Variants in CAPN9 observed in about 807,000 individuals in gnomAD.
CAPN9 encodes calpain 9.
A neutral mutation model predicts 92.8 loss-of-function variants in CAPN9; 81 were observed. The ratio of observed to expected loss-of-function variants is 0.87; its 90% CI spans 0.73 to 1.05. CAPN9 has a LOEUF of 1.05. CAPN9 is among the 50% of genes least tolerant of loss of function. The pLI is 0.00. For missense variants in CAPN9, 848 were observed against 866.2 expected (o/e 0.98, Z 0.26); for synonymous variants, 304 against 328.0 (o/e 0.93, Z 0.79).
intron 12 of CAPN9, 88 bp downstream of exon 12, chr1:230,786,105 T>C: frequency 8.7e-6 from 14 of 1,608,646 alleles, no homozygotes; most frequent in Non-Finnish European, 1.2e-5. Flanking sequence ...TGTAAAACTC[T>C]GCAGTTCAGG....
At chr1:230,778,557 C>G (rs1344924799) in intron 8 of CAPN9, among the ~76,000 whole-genome samples, 2 of 152,194 alleles carry the variant, frequency 1.3e-5, no homozygotes, top group Non-Finnish European at 2.9e-5. Flanking sequence ...ACCTCAAGCA[C>G]CTCTCTGCCT....
At chr1:230,773,298 G>T (rs1215958356) in intron 7 of CAPN9, among the ~76,000 whole-genome samples, 1 of 152,182 alleles carries the variant, frequency 6.6e-6, no homozygotes, top group Non-Finnish European at 1.5e-5. Flanking sequence ...AGCTGAGATG[G>T]GTTGAGGAGG....
rs561418202 is a variant in CAPN9, at chr1:230,777,982, G to T, written c.954-991G>T. Among the ~76,000 whole-genome samples, 10 of 152,176 alleles carry T rather than the reference G, an allele frequency of 6.6e-5. No individual in the cohort carries two copies. In the South Asian group the frequency reaches 2.1e-3, roughly 32 times the overall value. ...AAAACTATCTTTACACTAATTCTCA[G>T]GTTTCTATCTTCAGCTCCTTTCCCC... On this transcript the variant is annotated intron_variant, in intron 8 of 19. Transcript: ENST00000271971.
chr1:230,794,581 A>T (rs561574175), intron 17 of CAPN9, among the ~76,000 whole-genome samples: 1 of 152,354 alleles, frequency 6.6e-6, no homozygotes, highest in Admixed American at 6.5e-5. Context: ...CTGAACCCAT[A>T]TGCCACGGCT....
chr1:230,784,944 G>T (rs572713915), intron 11 of CAPN9, among the ~76,000 whole-genome samples: 63 of 152,330 alleles, frequency 4.1e-4, no homozygotes, highest in African/African-American at 1.5e-3. Flanking sequence ...AAGTCACAGG[G>T]ACAGAGCTTC....
intron 2 of CAPN9, among the ~76,000 whole-genome samples, chr1:230,758,291 C>G (rs868735175): frequency 6.6e-6 from 1 of 152,174 alleles, no homozygotes; most frequent in Non-Finnish European, 1.5e-5. Flanking sequence ...AAGCTGAAAG[C>G]AGACACCAAG....
intron 18 of CAPN9, among the ~76,000 whole-genome samples, chr1:230,796,029 TAA>T (rs34471137): frequency 1.1e-4 from 15 of 139,724 alleles, no homozygotes; most frequent in Non-Finnish European, 1.7e-4. Context: ...AATACTTGAT[TAA>T]AAAAAAAAAA....
chr1:230,747,462 C>A lies in CAPN9; in HGVS notation c.-35C>A. 2 of 1,579,794 alleles carry A rather than the reference C, an allele frequency of 1.3e-6. No individual in the cohort carries two copies. Among genetic ancestry groups the A allele is most frequent in the Non-Finnish European group, 1.7e-6 (2 of 1,149,516 alleles). On this transcript the variant is annotated 5_prime_UTR_variant, in exon 1 of 20. The change creates a new upstream start codon in the 5' untranslated region. Coordinates refer to ENST00000271971, the MANE Select transcript of CAPN9 (RefSeq NM_006615.3). Reference sequence around the variant, plus strand: ...GCTTCTTCACTTTCTTTTCCATCCACTGCCGGACCCAAGCCAGCCTTCCAG... The same window carrying A: ...GCTTCTTCACTTTCTTTTCCATCCAATGCCGGACCCAAGCCAGCCTTCCAG...
intron 12 of CAPN9, 95 bp from the exon 13 acceptor site, chr1:230,787,427 G>A: frequency 1.0e-6 from 1 of 995,612 alleles, no homozygotes; most frequent in Non-Finnish European, 1.6e-6. Context: ...GTGACATGGG[G>A]CTGGGCACAC....
intron 3 of CAPN9, among the ~76,000 whole-genome samples, chr1:230,760,902 C>A (rs1314952970): frequency 6.6e-6 from 1 of 151,274 alleles, no homozygotes; most frequent in Non-Finnish European, 1.5e-5. Flanking sequence ...AAACCAGAAC[C>A]AGAACCACCA....
chr1:230,779,702 C>T (rs1290983291), intron 9 of CAPN9, among the ~76,000 whole-genome samples: 1 of 152,120 alleles, frequency 6.6e-6, no homozygotes, highest in Non-Finnish European at 1.5e-5. Context: ...TTGGCTTTGT[C>T]CAATCCTCGG....
chr1:230,762,991 G>C (rs2282320), intron 4 of CAPN9, among the ~76,000 whole-genome samples: 37,887 of 152,002 alleles, frequency 0.25, 5,560 homozygotes, highest in Non-Finnish European at 0.34. Context: ...TGGGAGCAGT[G>C]GCTACATTCA....
intron 4 of CAPN9, among the ~76,000 whole-genome samples, chr1:230,763,146 G>A (rs556223371): frequency 6.6e-5 from 10 of 152,174 alleles, no homozygotes; most frequent in Non-Finnish European, 7.3e-5. Flanking sequence ...GGGCTATTAC[G>A]CACGTTGATA....
chr1:230,796,359 TA>T (rs1668357257), intron 18 of CAPN9, among the ~76,000 whole-genome samples: 1 of 148,576 alleles, frequency 6.7e-6, no homozygotes, highest in African/African-American at 2.5e-5. Context: ...AATAAATAAA[TA>T]AATAAATAAA....
At chr1:230,751,237 G>A (rs1572003935) in intron 1 of CAPN9, among the ~76,000 whole-genome samples, 1 of 152,200 alleles carries the variant, frequency 6.6e-6, no homozygotes, top group South Asian at 2.1e-4. Flanking sequence ...TGACCCCCAG[G>A]AGGGGTTGTC....
At position 230,747,651 on chromosome 1, in the gene CAPN9, ATT is replaced by A; in HGVS notation, c.156_157del (p.Ser53LeufsTer6). On this transcript the variant is annotated frameshift_variant, in exon 1 of 20. Transcript: ENST00000271971. LOFTEE classifies it high-confidence loss of function. ...GAGGATGCAGACTTCCCAGCCAGCA[ATT>A]CCTCCCTGTTCTACAGTGAGAGGCC... 1 of 1,614,106 alleles carries A rather than the reference ATT, an allele frequency of 6.2e-7. No individual in the cohort carries two copies.
At chr1:230,789,095 C>G (rs1185796762) in intron 13 of CAPN9, among the ~76,000 whole-genome samples, 3 of 152,104 alleles carry the variant, frequency 2.0e-5, no homozygotes, top group African/African-American at 7.2e-5. Context: ...TCCCAAACCC[C>G]CATTCCCCAG....
Position 230,759,527 on chromosome 1 carries a change from T to C in CAPN9, c.299T>C (p.Leu100Ser). The change falls in exon 3 of 20, where the codon TTA (leucine) becomes TCA (serine). Residue 100 changes from leucine to serine, a missense_variant. Physicochemically the swap from Leu to Ser is moderately radical, Grantham distance 145. Coordinates refer to ENST00000271971, the MANE Select transcript of CAPN9 (RefSeq NM_006615.3). ...CATTTTGCAGGAGACTGCTGGCTAT[T>C]AGCCGCCATCGCCTCCCTTACGCTT... ...CQGELGDCWL[L>S]AAIASLTLNQ... The C allele has an allele frequency of 1.2e-6, 2 of 1,609,148 alleles. No individual in the cohort carries two copies. Among genetic ancestry groups the C allele is most frequent in the East Asian group, 2.2e-5 (1 of 44,494 alleles).
intron 17 of CAPN9, 61 bp downstream of exon 17, chr1:230,792,989 C>A: frequency 7.9e-7 from 1 of 1,266,274 alleles, no homozygotes; most frequent in South Asian, 1.2e-5. Flanking sequence ...TGTGGGCAAC[C>A]TGAGCAGATG....
Sources: allele counts gnomAD v4.1 joint callset (sites outside exome capture counted in the v4.1 genomes callset), GRCh38; gene constraint gnomAD v4.1.1; transcripts MANE v1.5; gene names NCBI Gene and HGNC (gene_info 2026-07-23, HGNC 2026-07-21).